Variants in FBXL17 observed in about 807,000 individuals in gnomAD.
FBXL17 encodes the protein F-box/LRR-repeat protein 17.
Under a neutral mutation model 66.2 loss-of-function variants are expected in FBXL17, and 22 were observed. The observed-to-expected ratio is 0.33, with a 90% CI of 0.24 to 0.47. The LOEUF is 0.47. Ranked by LOEUF, FBXL17 falls within the 20% of genes least tolerant of loss-of-function variation. The probability of loss-of-function intolerance (pLI) is 1.00; values close to 1 mark genes in which losing one functional copy is unlikely to be tolerated. For missense variants in FBXL17, 878 were observed against 948.2 expected, an observed-to-expected ratio of 0.93 and a Z score of 0.97; for synonymous variants, 474 against 400.5, an observed-to-expected ratio of 1.18 and a Z score of -2.19.
chr5:108,364,675 T>C, intron 3 of FBXL17, 63 bp downstream of exon 3: 1 of 1,311,522 alleles, frequency 7.6e-7, no homozygotes, highest in South Asian at 1.3e-5. Context: ...ATTTAAAATG[T>C]TGTTGCTAGA....
intron 4 of FBXL17, among the ~76,000 whole-genome samples, chr5:108,345,422 T>C (rs903233375): frequency 6.6e-5 from 10 of 151,614 alleles, no homozygotes; most frequent in African/African-American, 2.2e-4. Flanking sequence ...CAAATCATTG[T>C]CCTCACTTTC....
intron 4 of FBXL17, among the ~76,000 whole-genome samples, chr5:108,328,302 A>G (rs1759954865): frequency 2.0e-5 from 3 of 152,130 alleles, no homozygotes; most frequent in Admixed American, 6.6e-5. Context: ...AGAGAATGAC[A>G]GCAGGAGACA....
intron 4 of FBXL17, among the ~76,000 whole-genome samples, chr5:108,277,855 A>C (rs569869394): frequency 6.6e-6 from 1 of 152,354 alleles, no homozygotes; most frequent in Non-Finnish European, 1.5e-5. Flanking sequence ...AGTGTGAAAT[A>C]CTATCATGTC....
intron 7 of FBXL17, among the ~76,000 whole-genome samples, chr5:107,980,454 C>T (rs10038163): frequency 6.7e-6 from 1 of 148,834 alleles, no homozygotes; most frequent in Non-Finnish European, 1.5e-5. Context: ...GCAATCTTCC[C>T]ACCACAGCCC....
chr5:108,226,106 A>T (rs1410777596), intron 4 of FBXL17, among the ~76,000 whole-genome samples: 1 of 152,074 alleles, frequency 6.6e-6, no homozygotes. Context: ...CATAACACTT[A>T]TCACTACTGA....
At chr5:107,903,088 A>G (rs756410111) in intron 7 of FBXL17, among the ~76,000 whole-genome samples, 4 of 152,154 alleles carry the variant, frequency 2.6e-5, no homozygotes, top group Non-Finnish European at 5.9e-5. Context: ...TTGTCTTTGT[A>G]ACTGTAACCT....
chr5:108,343,122 G>C (rs1746996654), intron 4 of FBXL17, among the ~76,000 whole-genome samples: 1 of 152,196 alleles, frequency 6.6e-6, no homozygotes. Flanking sequence ...AAACCTGCCA[G>C]TGCCTTAATC....
chr5:108,199,980 T>A (rs2150047679), intron 5 of FBXL17, among the ~76,000 whole-genome samples: 1 of 150,814 alleles, frequency 6.6e-6, no homozygotes, highest in Non-Finnish European at 1.5e-5. Flanking sequence ...CTGAAGCTGA[T>A]CCCTTCAGCA....
intron 7 of FBXL17, among the ~76,000 whole-genome samples, chr5:107,940,383 C>A (rs1751051470): frequency 6.6e-6 from 1 of 151,958 alleles, no homozygotes; most frequent in South Asian, 2.1e-4. Flanking sequence ...GACACATGGA[C>A]AAACAACAAC....
intron 4 of FBXL17, among the ~76,000 whole-genome samples, chr5:108,236,520 A>T (rs1309903437): frequency 1.3e-5 from 2 of 152,028 alleles, no homozygotes; most frequent in Non-Finnish European, 2.9e-5. Flanking sequence ...CTAAAAAAAA[A>T]AAACCAACAA....
intron 7 of FBXL17, among the ~76,000 whole-genome samples, chr5:107,970,643 G>A (rs1190130635): frequency 1.3e-5 from 2 of 152,146 alleles, no homozygotes; most frequent in African/African-American, 2.4e-5. Flanking sequence ...TGGTAGTAGA[G>A]GCTGATCATG....
At chr5:108,011,742 G>A (rs1438158265) in intron 7 of FBXL17, among the ~76,000 whole-genome samples, 1 of 152,064 alleles carries the variant, frequency 6.6e-6, no homozygotes, top group South Asian at 2.1e-4. Context: ...GAGAATCACT[G>A]GAACCTGGGA....
intron 6 of FBXL17, among the ~76,000 whole-genome samples, chr5:108,034,610 A>T (rs1561378019): frequency 6.6e-6 from 1 of 152,162 alleles, no homozygotes; most frequent in African/African-American, 2.4e-5. Context: ...TTTCATAGCT[A>T]TGAATACTGT....
intron 6 of FBXL17, among the ~76,000 whole-genome samples, chr5:108,029,961 T>C (rs1400438697): frequency 6.6e-6 from 1 of 152,144 alleles, no homozygotes; most frequent in African/African-American, 2.4e-5. Flanking sequence ...AAAATAAATA[T>C]ACTTCTAGAG....
intron 7 of FBXL17, among the ~76,000 whole-genome samples, chr5:107,979,093 T>C (rs1561349576): frequency 6.6e-6 from 1 of 152,230 alleles, no homozygotes. Flanking sequence ...GTGAAACGGT[T>C]ACTCCAGTTC....
At chr5:107,878,880 C>G in intron 8 of FBXL17, 1 of 985,478 alleles carries the variant, frequency 1.0e-6, no homozygotes, top group Non-Finnish European at 1.2e-6. Flanking sequence ...TGCACTGCAG[C>G]AGGCTCTGAC....
Position 107,877,416 on chromosome 5 carries a change from G to A in FBXL17, c.1965+3621C>T, listed in dbSNP as rs927937341. On this transcript the variant is annotated intron_variant, in intron 8 of 8. Coordinates refer to ENST00000542267, the MANE Select transcript of FBXL17 (RefSeq NM_001163315.3). Reference sequence around the variant, plus strand: ...CCAAGAGAGACGGCGGGTGGGGGTCGTGGGGGGAAACACTGTTTTCCTACA... The same window carrying A: ...CCAAGAGAGACGGCGGGTGGGGGTCATGGGGGGAAACACTGTTTTCCTACA... 2.6e-5 allele frequency among the ~76,000 whole-genome samples: 4 copies of A among 152,130 alleles called. No individual in the cohort carries two copies. In the East Asian group the frequency reaches 5.8e-4, roughly 22 times the overall value.
chr5:108,252,891 C>T (rs1756417152), intron 4 of FBXL17, among the ~76,000 whole-genome samples: 1 of 152,148 alleles, frequency 6.6e-6, no homozygotes, highest in South Asian at 2.1e-4. Flanking sequence ...CATATCTGGA[C>T]CATCATCCAC....
intron 7 of FBXL17, among the ~76,000 whole-genome samples, chr5:107,978,356 C>T (rs1752666488): frequency 6.6e-6 from 1 of 152,156 alleles, no homozygotes; most frequent in Admixed American, 6.5e-5. Flanking sequence ...GGGGCTGAAA[C>T]TGCCTTTGTA....
Sources: allele counts gnomAD v4.1 joint callset (sites outside exome capture counted in the v4.1 genomes callset), GRCh38; gene constraint gnomAD v4.1.1; transcripts MANE v1.5; gene names NCBI Gene and HGNC (gene_info 2026-07-23, HGNC 2026-07-21).